Variants in NF1 observed in about 807,000 individuals in gnomAD.
NF1 encodes the protein neurofibromin 1.
In NF1, 122 loss-of-function variants were observed where a neutral mutation model predicts 325.7. That is an observed-to-expected ratio of 0.37 (90% CI 0.32 to 0.44). The LOEUF is 0.44. Ranked by LOEUF, NF1 falls within the 20% of genes least tolerant of loss-of-function variation. The pLI is 1.00. For missense variants in NF1, 2,140 were observed against 3,415.4 expected, an observed-to-expected ratio of 0.63 and a Z score of 9.31; for synonymous variants, 1,091 against 1,186.0, an observed-to-expected ratio of 0.92 and a Z score of 1.65.
chr17:31,226,448 G>T lies in NF1; in HGVS notation c.2015G>T (p.Gly672Val), dbSNP rs371817372. Residue 672 changes from glycine (G) to valine (V), a missense_variant, in exon 18 of 58, where the codon GGA becomes GTA. Around this residue, in one of 10 missense-constraint regions of NF1, gnomAD observed 380 missense variants for 639.3 expected, o/e 0.59. Coordinates refer to ENST00000358273, the MANE Select transcript of NF1 (RefSeq NM_001042492.3). ...KGNSSMDSAA[G>V]CSGTPPICRQ... ...CTTGACTCTCAGGATAGTGCAGCAG[G>T]ATGCAGCGGAACCCCCCCGATTTGC... 8 of 1,613,436 alleles carry T rather than the reference G, an allele frequency of 5.0e-6. No homozygotes were observed. The highest frequency in any genetic ancestry group is 2.2e-5 in the South Asian group (2 of 91,068).
intron 46 of NF1, among the ~76,000 whole-genome samples, chr17:31,340,021 T>G (rs1365593182): frequency 1.3e-5 from 2 of 152,110 alleles, no homozygotes; most frequent in African/African-American, 4.8e-5. Context: ...ACATTCAGCA[T>G]TGTTCAAAAG....
Position 31,336,619 on chromosome 17 carries a change from T to G in NF1, c.6148-16T>G, listed in dbSNP as rs769223408. 1 of 1,521,762 alleles carries G rather than the reference T, an allele frequency of 6.6e-7. No individual in the cohort carries two copies. Among genetic ancestry groups the G allele is most frequent in the Non-Finnish European group, 8.9e-7 (1 of 1,124,868 alleles). 94.3% of individuals were successfully genotyped at this position (1,521,762 alleles called of 1,614,324 possible). A position where few individuals can be genotyped will look rare whatever the true frequency, so the allele number is the denominator to read the frequency against. On this transcript the variant is annotated splice_polypyrimidine_tract_variant and intron_variant, in intron 41 of 57. Transcript: ENST00000358273. This position sits in a 1 kb window ranked among gnomAD's most constrained non-coding sequence, Gnocchi z 5.5. ...ATGTTTTTTTTTTTAAAAAAAAAAATCCTGCTTCTTTACAGGTTATTGGAA... is the reference window on the plus strand; with the variant it reads ...ATGTTTTTTTTTTTAAAAAAAAAAAGCCTGCTTCTTTACAGGTTATTGGAA...
intron 13 of NF1, among the ~76,000 whole-genome samples, chr17:31,214,791 A>G (rs547521919): frequency 6.6e-6 from 1 of 152,284 alleles, no homozygotes; most frequent in South Asian, 2.1e-4. Flanking sequence ...TGCCCTTATC[A>G]TTTCCTAACA....
In NF1 at chr17:31,159,439, A is replaced by G. The variant is rs150836273; in HGVS notation, c.288+346A>G. Among the ~76,000 whole-genome samples the G allele has an allele frequency of 2.0e-5, 3 of 152,336 alleles. No homozygotes were observed. In the East Asian group the frequency reaches 5.8e-4, roughly 29 times the overall value. ...TGGGAGAGTGCGATTCAGAAGTCCA[A>G]GAGTAATCTTGTATTTCCTCCTATA... is the stretch of plus-strand genomic sequence containing the variant. On this transcript the variant is annotated intron_variant, in intron 3 of 57. Transcript: ENST00000358273.
intron 1 of NF1, among the ~76,000 whole-genome samples, chr17:31,124,877 A>G (rs1231816727): frequency 6.6e-6 from 1 of 151,570 alleles, no homozygotes; most frequent in Non-Finnish European, 1.5e-5. Flanking sequence ...CTGGGATTAT[A>G]TGCGTGAGCC....
chr17:31,312,494 G>C (rs1174059872), intron 36 of NF1, among the ~76,000 whole-genome samples: 2 of 150,640 alleles, frequency 1.3e-5, no homozygotes, highest in East Asian at 3.9e-4. Flanking sequence ...ACACCAGCCT[G>C]GGTGACAGAG....
At chr17:31,353,613 G>A (rs2070206072) in intron 51 of NF1, among the ~76,000 whole-genome samples, 1 of 152,110 alleles carries the variant, frequency 6.6e-6, no homozygotes, top group Admixed American at 6.5e-5. Context: ...GTGGGACCCC[G>A]ACTCCAAACA....
intron 36 of NF1, chr17:31,313,923 T>A (rs1460412722): frequency 2.5e-6 from 1 of 397,264 alleles, no homozygotes; most frequent in Non-Finnish European, 4.4e-6. Context: ...TGACAGTTTT[T>A]AAAATAAATT....
At chr17:31,182,467 G>T (rs1369376849) in intron 7 of NF1, 41 bp from the exon 8 acceptor site, 2 of 1,599,160 alleles carry the variant, frequency 1.3e-6, no homozygotes, top group Admixed American at 3.4e-5. Flanking sequence ...CAGGGATTTT[G>T]TTCCTATCTA....
chr17:31,292,999 G>A (rs946701481), intron 36 of NF1, among the ~76,000 whole-genome samples: 4 of 151,746 alleles, frequency 2.6e-5, no homozygotes, highest in African/African-American at 9.7e-5. Context: ...CCAACATGAT[G>A]AAGCCCCGTC....
intron 8 of NF1, among the ~76,000 whole-genome samples, chr17:31,185,416 T>A (rs1375649940): frequency 6.6e-6 from 1 of 152,172 alleles, no homozygotes; most frequent in African/African-American, 2.4e-5. Context: ...GCTGATTGGA[T>A]TCTGTGAGCA....
At chr17:31,341,278 A>T (rs2069814318) in intron 47 of NF1, among the ~76,000 whole-genome samples, 1 of 152,138 alleles carries the variant, frequency 6.6e-6, no homozygotes, top group East Asian at 1.9e-4. Flanking sequence ...TAGTCCCAGC[A>T]CTTTGGGAGG....
chr17:31,342,047 G>A (rs969572467), intron 47 of NF1, among the ~76,000 whole-genome samples: 3 of 152,174 alleles, frequency 2.0e-5, no homozygotes, highest in Admixed American at 1.3e-4. Flanking sequence ...CAGATGTAGT[G>A]TGAACCTGGA....
rs1260221851 is a variant in NF1, at chr17:31,377,546, G to A, written c.*3391G>A. On this transcript the variant is annotated 3_prime_UTR_variant, in exon 58 of 58. Coordinates refer to ENST00000358273, the MANE Select transcript of NF1 (RefSeq NM_001042492.3). ...AAAATACTGCCCAACAGACAAAATC[G>A]ATCATTGTAGGGGAAAATCATAGAA... 4 of 232,594 alleles carry A rather than the reference G, an allele frequency of 1.7e-5. No homozygotes were observed. The highest frequency in any genetic ancestry group is 1.2e-4 in the East Asian group (2 of 16,456). 14.4% of individuals were successfully genotyped at this position (232,594 alleles called of 1,614,324 possible). A position where few individuals can be genotyped will look rare whatever the true frequency, so the allele number is the denominator to read the frequency against.
intron 39 of NF1, chr17:31,334,558 A>G: frequency 2.6e-6 from 1 of 387,946 alleles, no homozygotes; most frequent in South Asian, 2.9e-5. Flanking sequence ...TTCCTTTTAT[A>G]ATGAGAATAA....
chr17:31,107,502 C>T (rs1025618849), intron 1 of NF1, among the ~76,000 whole-genome samples: 3 of 152,086 alleles, frequency 2.0e-5, no homozygotes, highest in South Asian at 2.1e-4. Context: ...TGGACTCAAG[C>T]GATCTTCCCA....
Position 31,265,304 on chromosome 17 carries a change from A to G in NF1, c.4800A>G (p.Lys1600=), listed in dbSNP as rs1555619409. 2 of 1,613,270 alleles carry G rather than the reference A, an allele frequency of 1.2e-6. No individual in the cohort carries two copies. The highest frequency in any genetic ancestry group is 8.5e-7 in the Non-Finnish European group (1 of 1,179,486). ...LSIFYQAGTS[K]AGNPIFYYVA... ...TTTTCTACCAAGCTGGGACTTCCAAAGCTGGGAATCCTATTTTTTATTATG... is the reference window on the plus strand; with the variant it reads ...TTTTCTACCAAGCTGGGACTTCCAAGGCTGGGAATCCTATTTTTTATTATG... The change falls in exon 36 of 58, where the codon AAA becomes AAG. Residue 1600 remains lysine (K), a synonymous_variant. Coordinates refer to ENST00000358273, the MANE Select transcript of NF1 (RefSeq NM_001042492.3).
At chr17:31,203,745 C>T (rs2066572102) in intron 11 of NF1, among the ~76,000 whole-genome samples, 1 of 151,990 alleles carries the variant, frequency 6.6e-6, no homozygotes, top group African/African-American at 2.4e-5. Flanking sequence ...CATAAGTTCT[C>T]TTCTCCCATG....
intron 12 of NF1, among the ~76,000 whole-genome samples, chr17:31,209,197 C>A (rs575343791): frequency 6.6e-6 from 1 of 152,296 alleles, no homozygotes; most frequent in South Asian, 2.1e-4. Flanking sequence ...GACAAAATCA[C>A]CCCCAGTTGA....
Sources: allele counts gnomAD v4.1 joint callset (sites outside exome capture counted in the v4.1 genomes callset), GRCh38; gene constraint gnomAD v4.1.1; regional missense constraint gnomAD v4.1.1; non-coding constraint Gnocchi (gnomAD v3.1); transcripts MANE v1.5; gene names NCBI Gene and HGNC (gene_info 2026-07-23, HGNC 2026-07-21).